The following DRC11 variants were observed in gnomAD, a reference collection of about 807,000 sequenced individuals.
DRC11 encodes IQ and AAA domain-containing protein 1.
chr2:236,493,171 CT>C, the DRC11 span, among the ~76,000 whole-genome samples: 13 of 152,258 alleles, frequency 8.5e-5, no homozygotes, highest in South Asian at 6.2e-4. Flanking sequence ...GGAAACTCCC[CT>C]TTATAAAACC....
chr2:236,494,478 T>C, the DRC11 span, among the ~76,000 whole-genome samples: 1 of 152,180 alleles, frequency 6.6e-6, no homozygotes, highest in Non-Finnish European at 1.5e-5. This position sits in a 1 kb window ranked among gnomAD's most constrained non-coding sequence, Gnocchi z 4.2. Context: ...GGGGTTCAGA[T>C]GAAAATTTAT....
chr2:236,374,838 G>A, the DRC11 span, among the ~76,000 whole-genome samples: 422 of 150,932 alleles, frequency 2.8e-3, no homozygotes, highest in Middle Eastern at 6.9e-3. Flanking sequence ...TTACAGGCGC[G>A]TGCCACCATG....
the DRC11 span, among the ~76,000 whole-genome samples, chr2:236,348,651 C>T: frequency 1.3e-5 from 2 of 152,264 alleles, no homozygotes; most frequent in South Asian, 2.1e-4. This position sits in a 1 kb window ranked among gnomAD's most constrained non-coding sequence, Gnocchi z 7.4. Context: ...TTGGAAAGTA[C>T]GACCTCCGGG....
the DRC11 span, among the ~76,000 whole-genome samples, chr2:236,383,330 C>A: frequency 6.6e-6 from 1 of 152,088 alleles, no homozygotes; most frequent in South Asian, 2.1e-4. Flanking sequence ...ATTTAAATCT[C>A]ATCTTTTTCT....
the DRC11 span, among the ~76,000 whole-genome samples, chr2:236,458,178 G>A: frequency 6.6e-6 from 1 of 152,192 alleles, no homozygotes; most frequent in Non-Finnish European, 1.5e-5. Context: ...GAAGGTTTAA[G>A]TAGAGGGCAT....
chr2:236,357,853 A>T, the DRC11 span, among the ~76,000 whole-genome samples: 4 of 88,722 alleles, frequency 4.5e-5, no homozygotes, highest in Non-Finnish European at 9.8e-5. Flanking sequence ...GTAATATATA[A>T]ATATATACTA....
At chr2:236,413,895 A>G in the DRC11 span, among the ~76,000 whole-genome samples, 1 of 152,216 alleles carries the variant, frequency 6.6e-6, no homozygotes, top group South Asian at 2.1e-4. This position sits in a 1 kb window ranked among gnomAD's most constrained non-coding sequence, Gnocchi z 4.0. Flanking sequence ...TCTAAAGCCA[A>G]TGTGAGGGCC....
the DRC11 span, among the ~76,000 whole-genome samples, chr2:236,363,332 C>A: frequency 6.6e-6 from 1 of 152,194 alleles, no homozygotes; most frequent in East Asian, 1.9e-4. This position sits in a 1 kb window ranked among gnomAD's most constrained non-coding sequence, Gnocchi z 5.6. Flanking sequence ...TTACTCTGGT[C>A]GGCTTAGGTG....
the DRC11 span, among the ~76,000 whole-genome samples, chr2:236,341,632 C>A: frequency 6.6e-6 from 1 of 152,152 alleles, no homozygotes; most frequent in East Asian, 1.9e-4. Context: ...TTTGGAGTGG[C>A]CCCAGGGCTC....
At chr2:236,431,826 C>T in the DRC11 span, among the ~76,000 whole-genome samples, 1 of 152,070 alleles carries the variant, frequency 6.6e-6, no homozygotes, top group Non-Finnish European at 1.5e-5. This position sits in a 1 kb window ranked among gnomAD's most constrained non-coding sequence, Gnocchi z 4.2. Context: ...CCTATCTATT[C>T]CCCAGTTGAT....
chr2:236,429,814 G>T, the DRC11 span, among the ~76,000 whole-genome samples: 1 of 152,172 alleles, frequency 6.6e-6, no homozygotes, highest in Non-Finnish European at 1.5e-5. The surrounding 1 kb of genome is among the most constrained non-coding windows in gnomAD (Gnocchi z 5.9). Context: ...GGCACCTGGA[G>T]ACTGTGAAGG....
the DRC11 span, among the ~76,000 whole-genome samples, chr2:236,321,151 C>T: frequency 2.0e-5 from 3 of 152,252 alleles, no homozygotes; most frequent in African/African-American, 4.8e-5. Context: ...ATCCTACATA[C>T]TTTTATTTAT....
the DRC11 span, among the ~76,000 whole-genome samples, chr2:236,489,648 A>G: frequency 6.6e-6 from 1 of 152,182 alleles, no homozygotes; most frequent in Non-Finnish European, 1.5e-5. Context: ...GAGGCCAGGC[A>G]CAGTGGCTCA....
chr2:236,347,870 C>A, the DRC11 span, among the ~76,000 whole-genome samples: 1 of 145,254 alleles, frequency 6.9e-6, no homozygotes, highest in East Asian at 2.0e-4. Flanking sequence ...AAAAAAAAAT[C>A]AAAATCTCAA....
At chr2:236,367,309 T>G in the DRC11 span, among the ~76,000 whole-genome samples, 1 of 147,872 alleles carries the variant, frequency 6.8e-6, no homozygotes, top group African/African-American at 2.5e-5. The surrounding 1 kb of genome is among the most constrained non-coding windows in gnomAD (Gnocchi z 4.8). Flanking sequence ...ACATATATAT[T>G]ATATATATAT....
the DRC11 span, among the ~76,000 whole-genome samples, chr2:236,467,308 T>C: frequency 6.6e-6 from 1 of 152,214 alleles, no homozygotes; most frequent in Non-Finnish European, 1.5e-5. Flanking sequence ...GATTGATCTT[T>C]CATGACTCTG....
the DRC11 span, among the ~76,000 whole-genome samples, chr2:236,386,861 T>C: frequency 8.7e-5 from 13 of 149,916 alleles, no homozygotes; most frequent in East Asian, 2.0e-4. Flanking sequence ...TGGTATGTTG[T>C]GTCTTTGTTC....
chr2:236,414,475 A>C, the DRC11 span, among the ~76,000 whole-genome samples: 1 of 152,062 alleles, frequency 6.6e-6, no homozygotes, highest in African/African-American at 2.4e-5. Flanking sequence ...TCTTATTTGA[A>C]TGTATTTATT....
the DRC11 span, among the ~76,000 whole-genome samples, chr2:236,399,146 C>T: frequency 2.0e-5 from 3 of 152,178 alleles, no homozygotes; most frequent in African/African-American, 4.8e-5. This position sits in a 1 kb window ranked among gnomAD's most constrained non-coding sequence, Gnocchi z 7.0. Flanking sequence ...CCCGCTGTTA[C>T]GCCCAGCTAA....
Sources: allele counts gnomAD v4.1 joint callset (sites outside exome capture counted in the v4.1 genomes callset), GRCh38; gene constraint gnomAD v4.1.1; non-coding constraint Gnocchi (gnomAD v3.1); transcripts MANE v1.5; gene names NCBI Gene and HGNC (gene_info 2026-07-23, HGNC 2026-07-21).